The following KRT32 variants were observed in gnomAD, a reference collection of about 807,000 sequenced individuals.
The protein encoded by KRT32 is keratin, type I cuticular Ha2.
In KRT32, 44 loss-of-function variants were observed where a neutral mutation model predicts 41.8. The ratio of observed to expected loss-of-function variants is 1.05; its 90% CI spans 0.83 to 1.35. The LOEUF (loss-of-function observed/expected upper bound fraction) is 1.35, where lower values mean the gene tolerates loss of function less well. KRT32 is among the 40% of genes most tolerant of loss of function. The pLI is 0.00. For missense variants in KRT32, 576 were observed against 584.6 expected, an observed-to-expected ratio of 0.99 and a Z score of 0.15; for synonymous variants, 238 against 242.5, an observed-to-expected ratio of 0.98 and a Z score of 0.17.
chr17:41,464,554 G>A (rs1201143349), intron 3 of KRT32, 111 bp from the exon 4 acceptor site: 2 of 1,068,816 alleles, frequency 1.9e-6, no homozygotes, highest in Admixed American at 5.9e-5. Flanking sequence ...TGAAACATTA[G>A]ATGGCCCCTA....
intron 5 of KRT32, 67 bp from the exon 6 acceptor site, chr17:41,463,117 C>A: frequency 2.8e-6 from 4 of 1,441,928 alleles, no homozygotes; most frequent in East Asian, 2.3e-5. Context: ...CAGAAAGAAC[C>A]AAGAAGAGCC....
chr17:41,462,791 C>T, intron 6 of KRT32, 39 bp downstream of exon 6: 2 of 1,606,728 alleles, frequency 1.2e-6, no homozygotes, highest in South Asian at 1.1e-5. Flanking sequence ...CCCAGAATCC[C>T]TGCCCACGTC....
intron 3 of KRT32, 123 bp from the exon 4 acceptor site, chr17:41,464,566 G>A: frequency 2.3e-6 from 2 of 887,978 alleles, no homozygotes; most frequent in Non-Finnish European, 3.3e-6. Context: ...TGGCCCCTAA[G>A]GACTGCAGTC....
intron 3 of KRT32, among the ~76,000 whole-genome samples, chr17:41,465,096 A>T (rs900705846): frequency 1.3e-5 from 2 of 152,166 alleles, no homozygotes; most frequent in African/African-American, 2.4e-5. Flanking sequence ...GGGGGGAAAA[A>T]CACCATGGCT....
chr17:41,465,733 C>T (rs1351621438), intron 3 of KRT32, 40 bp downstream of exon 3: 2 of 1,589,674 alleles, frequency 1.3e-6, no homozygotes, highest in Non-Finnish European at 1.7e-6. Context: ...TCCTCCCCCT[C>T]TGCTTCCCGG....
chr17:41,466,978 C>T lies in KRT32; in HGVS notation c.348G>A (p.Gln116=). Reference sequence around the variant, plus strand: ...CCAGCTCCGCATTCTCCTGCTCCAGCTGCCGCACCCTCGTCAGGTAGCTGG... The same window carrying T: ...CCAGCTCCGCATTCTCCTGCTCCAGTTGCCGCACCCTCGTCAGGTAGCTGG... ...RLASYLTRVR[Q]LEQENAELES... is the part of the protein sequence containing the mutation. The change falls in exon 1 of 7, where the codon CAG becomes CAA. Residue 116 remains glutamine (Q), a synonymous_variant. Coordinates refer to ENST00000225899, the MANE Select transcript of KRT32 (RefSeq NM_002278.3). The T allele has an allele frequency of 1.2e-6, 2 of 1,614,250 alleles. No individual in the cohort carries two copies. Among genetic ancestry groups the T allele is most frequent in the Non-Finnish European group, 1.7e-6 (2 of 1,180,050 alleles).
intron 3 of KRT32, among the ~76,000 whole-genome samples, chr17:41,465,072 G>C (rs1041414827): frequency 1.4e-5 from 2 of 148,140 alleles, no homozygotes; most frequent in Non-Finnish European, 2.9e-5. Context: ...AAGAGGTTGA[G>C]AGTCAACCAG....
rs138661408 is a variant in KRT32 at position 41,459,537 on chromosome 17, T to C, written c.*573A>G. 9.1e-4 allele frequency among the ~76,000 whole-genome samples: 139 copies of C among 152,018 alleles called. 1 individual carries two copies. Among genetic ancestry groups the C allele is most frequent in the African/African-American group, 3.3e-3 (137 of 41,262 alleles). On this transcript the variant is annotated 3_prime_UTR_variant, in exon 7 of 7. Transcript: ENST00000225899. ...ATGAGATTTAGGGGTGGGTTTATTATGATATGATTCTCAATTACAGTAATT... is the reference window on the plus strand; with the variant it reads ...ATGAGATTTAGGGGTGGGTTTATTACGATATGATTCTCAATTACAGTAATT...
chr17:41,466,061 C>A, intron 2 of KRT32, 33 bp downstream of exon 2: 1 of 1,612,088 alleles, frequency 6.2e-7, no homozygotes, highest in Non-Finnish European at 8.5e-7. Flanking sequence ...GAGGACAGGT[C>A]CTCCCCAGCT....
chr17:41,461,800 A>C (rs1218744266), intron 6 of KRT32, among the ~76,000 whole-genome samples: 1 of 152,270 alleles, frequency 6.6e-6, no homozygotes, highest in Admixed American at 6.5e-5. Flanking sequence ...ATGGAGAAGC[A>C]ATGCCAAATG....
At chr17:41,465,014 G>A (rs2019051130) in intron 3 of KRT32, among the ~76,000 whole-genome samples, 1 of 152,132 alleles carries the variant, frequency 6.6e-6, no homozygotes, top group South Asian at 2.1e-4. Context: ...TAAGCCTGAG[G>A]AAACCCAGCC....
chr17:41,466,667 C>A (rs2019071572), intron 1 of KRT32, among the ~76,000 whole-genome samples, 191 bp downstream of exon 1: 1 of 152,200 alleles, frequency 6.6e-6, no homozygotes, highest in South Asian at 2.1e-4. Flanking sequence ...AATGGTAGAA[C>A]TGAGACTAGA....
At chr17:41,465,367 C>T (rs560173267) in intron 3 of KRT32, among the ~76,000 whole-genome samples, 18 of 152,136 alleles carry the variant, frequency 1.2e-4, no homozygotes, top group African/African-American at 3.6e-4. Context: ...TGGAACATAA[C>T]TCACCCCGGC....
rs1332126382 is a variant in KRT32, at chr17:41,463,952, G to C, written c.996+126C>G. 3 of 996,066 alleles carry C rather than the reference G, an allele frequency of 3.0e-6. No individual in the cohort carries two copies. In the East Asian group the frequency reaches 8.5e-5, roughly 28 times the overall value. The allele number at this position is 996,066 out of a possible 1,614,324, so 61.7% of individuals were successfully genotyped here. A position where few individuals can be genotyped will look rare whatever the true frequency, so the allele number is the denominator to read the frequency against. ...CGGGAGAAACCTCCCTCCGGGAAAA[G>C]TCAACAGGATGAGCATCCATGGTGG... On this transcript the variant is annotated intron_variant, in intron 5 of 6. Coordinates refer to ENST00000225899, the MANE Select transcript of KRT32 (RefSeq NM_002278.3).
chr17:41,466,879 G>T lies in KRT32; in HGVS notation c.447C>A (p.Thr149=), dbSNP rs745874255. Residue 149 remains threonine, a synonymous_variant, in exon 1 of 7, where the codon ACC becomes ACA. Transcript: ENST00000225899. ...MTPDYQSHFR[T]IEELQQKILC... ...TCACCTTCTGCTGGAGCTCCTCAAT[G>T]GTCCTGAAATGAGACTGGTAGTCAG... 4.3e-6 allele frequency: 7 copies of T among 1,612,806 alleles called. No individual in the cohort carries two copies. The highest frequency in any genetic ancestry group is 2.7e-5 in the African/African-American group (2 of 74,872).
chr17:41,466,118 A>G lies in KRT32; in HGVS notation c.527T>C (p.Leu176Pro). ...CTTGGCCCTGAAGTCATCGGCAGCC[A>G]GTTTGGCATTATCAATGTTCACAAC... ...RMVVNIDNAK[L>P]AADDFRAKYE... is the part of the protein sequence containing the mutation. Residue 176 changes from leucine (L) to proline (P), a missense_variant, in exon 2 of 7, where the codon CTG (leucine) becomes CCG (proline). Transcript: ENST00000225899. 1.9e-6 allele frequency: 3 copies of G among 1,614,182 alleles called. No individual in the cohort carries two copies. The highest frequency in any genetic ancestry group is 2.5e-6 in the Non-Finnish European group (3 of 1,180,030).
chr17:41,460,008 G>T lies in KRT32; in HGVS notation c.*102C>A, dbSNP rs1364474567. 12 of 1,285,034 alleles carry T rather than the reference G, an allele frequency of 9.3e-6. 1 individual carries two copies. In the Middle Eastern group the frequency reaches 1.1e-3, roughly 120 times the overall value. 79.6% of individuals were successfully genotyped at this position (1,285,034 alleles called of 1,614,324 possible). ...GCAGGTGATCCACGGTCCTGCTCAG[G>T]GTCTTCCTTGCTGACCGGGGCTGGC... On this transcript the variant is annotated 3_prime_UTR_variant, in exon 7 of 7. Transcript: ENST00000225899.
Position 41,464,189 on chromosome 17 carries a change from G to A in KRT32, c.885C>T (p.Asn295=). 1 of 1,607,784 alleles carries A rather than the reference G, an allele frequency of 6.2e-7. No individual in the cohort carries two copies. The highest frequency in any genetic ancestry group is 8.5e-7 in the Non-Finnish European group (1 of 1,176,564). ...EWFNMQMEEL[N]QQVATSSEQL... is the part of the protein sequence containing the mutation. Reference sequence around the variant, plus strand: ...GCTCAGAGCTTGTGGCCACCTGTTGGTTAAGCTCCTCCATCTGCAGTTGGG... The same window carrying A: ...GCTCAGAGCTTGTGGCCACCTGTTGATTAAGCTCCTCCATCTGCAGTTGGG... Residue 295 remains asparagine, a synonymous_variant, in exon 5 of 7, where the codon AAC becomes AAT. Coordinates refer to ENST00000225899, the MANE Select transcript of KRT32 (RefSeq NM_002278.3).
chr17:41,463,302 C>A (rs1045433679), intron 5 of KRT32, among the ~76,000 whole-genome samples: 3 of 152,228 alleles, frequency 2.0e-5, no homozygotes, highest in African/African-American at 7.2e-5. Context: ...CCTTTGTCTG[C>A]CTTCAGGATT....
Sources: allele counts gnomAD v4.1 joint callset (sites outside exome capture counted in the v4.1 genomes callset), GRCh38; gene constraint gnomAD v4.1.1; transcripts MANE v1.5; gene names NCBI Gene and HGNC (gene_info 2026-07-23, HGNC 2026-07-21).